Variants in IFNGR1 observed in about 807,000 individuals in gnomAD.
IFNGR1 encodes interferon gamma receptor 1.
IFNGR1 carries 23 observed loss-of-function variants against 35.4 expected under a neutral mutation model. That is an observed-to-expected ratio of 0.65 (90% CI 0.47 to 0.92). The LOEUF is 0.92. Among genes scored for constraint, IFNGR1 ranks in the 40% least tolerant of loss-of-function variants. IFNGR1 has a pLI of 0.00. For synonymous variants in IFNGR1, 199 were observed against 209.5 expected, an observed-to-expected ratio of 0.95 and a Z score of 0.43; for missense variants, 533 against 583.4, an observed-to-expected ratio of 0.91 and a Z score of 0.89.
intron 5 of IFNGR1, 44 bp from the exon 6 acceptor site, chr6:137,201,052 C>G: frequency 4.4e-6 from 7 of 1,591,202 alleles, no homozygotes; most frequent in South Asian, 1.1e-5. Context: ...AGATGGAATA[C>G]TGCTATTATC....
Position 137,207,079 on chromosome 6 carries a change from T to G in IFNGR1, c.86-2A>C, listed in dbSNP as rs1191883227. 1.2e-6 allele frequency: 2 copies of G among 1,613,628 alleles called. No individual in the cohort carries two copies. Among genetic ancestry groups the G allele is most frequent in the Non-Finnish European group, 1.7e-6 (2 of 1,179,804 alleles). The stretch of plus-strand genomic sequence containing the variant: ...TTGTAACATTAGTTGGTGTAGGCAC[T>G]GTAAGAAAATAAAAAAGTAAAAGGG... On this transcript the variant is annotated splice_acceptor_variant, in intron 1 of 6. Transcript: ENST00000367739. LOFTEE classifies it high-confidence loss of function.
At position 137,203,482 on chromosome 6, in the gene IFNGR1, A is replaced by C. The variant is rs1456688875; in HGVS notation, c.733+17T>G. The C allele has an allele frequency of 7.1e-7, 1 of 1,400,316 alleles. No individual in the cohort carries two copies. Among genetic ancestry groups the C allele is most frequent in the Admixed American group, 1.7e-5 (1 of 59,726 alleles). 86.7% of individuals were successfully genotyped at this position (1,400,316 alleles called of 1,614,324 possible). On this transcript the variant is annotated intron_variant, in intron 5 of 6. Transcript: ENST00000367739. ...ACTGCTCCCTCTATATTTAGAAAAA[A>C]AATGGCAAGAACTTACCTTTTATAC...
intron 6 of IFNGR1, among the ~76,000 whole-genome samples, chr6:137,199,656 G>C (rs973340940): frequency 4.3e-5 from 6 of 138,476 alleles, no homozygotes; most frequent in Admixed American, 8.2e-5. Flanking sequence ...CATTAGTTCT[G>C]TCCCTCTAGA....
At chr6:137,209,385 T>C (rs773971438) in intron 1 of IFNGR1, among the ~76,000 whole-genome samples, 2 of 151,982 alleles carry the variant, frequency 1.3e-5, no homozygotes, top group Non-Finnish European at 2.9e-5. Context: ...TTTGGTTGTG[T>C]GTCCCCACCG....
chr6:137,198,147 G>C lies in IFNGR1; in HGVS notation c.1354C>G (p.Pro452Ala). ...GGTTTATCATAACCAAAGGAGGTGG[G>C]GGCTTTTATTACGGTTATGAGCTCT... ...GQELITVIKAPTSFGYDKPHV... is the reference protein window; with the variant it reads ...GQELITVIKAATSFGYDKPHV... Residue 452 changes from proline (P) to alanine (A), a missense_variant, in exon 7 of 7, where the codon CCC becomes GCC. Coordinates refer to ENST00000367739, the MANE Select transcript of IFNGR1 (RefSeq NM_000416.3). The C allele has an allele frequency of 1.2e-6, 2 of 1,614,064 alleles. No homozygotes were observed. The highest frequency in any genetic ancestry group is 1.3e-5 in the African/African-American group (1 of 75,000).
Position 137,219,306 on chromosome 6 carries a change from G to A in IFNGR1, c.22C>T (p.Pro8Ser), listed in dbSNP as rs1466445736. MALLFLL[P>S]LVMQGVSRAE... ...CTGCTCACACCCTGCATGACAAGGGGTAGGAGAAAGAGGAGAGCCATGCTG... is the reference window on the plus strand; with the variant it reads ...CTGCTCACACCCTGCATGACAAGGGATAGGAGAAAGAGGAGAGCCATGCTG... Residue 8 changes from proline (P) to serine (S), a missense_variant, in exon 1 of 7, where the codon CCC becomes TCC. By Grantham distance (74) the Pro-to-Ser change is moderately conservative. Transcript: ENST00000367739. 1.9e-6 allele frequency: 3 copies of A among 1,610,378 alleles called. No homozygotes were observed. In the South Asian group the frequency reaches 3.3e-5, roughly 18 times the overall value.
chr6:137,200,821 A>G, intron 6 of IFNGR1, 60 bp downstream of exon 6: 2 of 1,318,172 alleles, frequency 1.5e-6, no homozygotes, highest in Non-Finnish European at 2.1e-6. Flanking sequence ...TAATTTAAGA[A>G]ACTATCAAAA....
chr6:137,210,013 G>A, intron 1 of IFNGR1: 1 of 396,752 alleles, frequency 2.5e-6, no homozygotes. Flanking sequence ...ACAGACAGAA[G>A]TCATTTTAAC....
In IFNGR1 at chr6:137,204,365, C is replaced by A. The variant is rs1779375537; in HGVS notation, c.513G>T (p.Val171=). ...CGTTCATTCTCACATACACATTGTA[C>A]ACCCTAATGTAACAGGTAGTTTCGG... The part of the protein sequence containing the change: ...YDPETTCYIR[V]YNVYVRMNGS... Residue 171 remains valine, a synonymous_variant, in exon 4 of 7, where the codon GTG becomes GTT. Coordinates refer to ENST00000367739, the MANE Select transcript of IFNGR1 (RefSeq NM_000416.3). The A allele has an allele frequency of 6.2e-7, 1 of 1,613,784 alleles. No individual in the cohort carries two copies. The highest frequency in any genetic ancestry group is 8.5e-7 in the Non-Finnish European group (1 of 1,179,828).
chr6:137,210,435 A>C (rs1188441701), intron 1 of IFNGR1, among the ~76,000 whole-genome samples: 1 of 152,158 alleles, frequency 6.6e-6, no homozygotes, highest in East Asian at 1.9e-4. Flanking sequence ...ATGAATGTAC[A>C]CAGTTAGCGA....
rs781016678 is a variant in IFNGR1 at position 137,198,313 on chromosome 6, C to A, written c.1188G>T (p.Ser396=). ...QSEPGSIALN[S]YHSRNCSESD... ...TCTCAGAACAATTTCTGGAGTGATA[C>A]GAGTTTAAAGCGATGCTGCCAGGTT... The change falls in exon 7 of 7, where the codon TCG becomes TCT. Residue 396 remains serine (S), a synonymous_variant. Transcript: ENST00000367739. 6 of 1,613,118 alleles carry A rather than the reference C, an allele frequency of 3.7e-6. No individual in the cohort carries two copies. The highest frequency in any genetic ancestry group is 4.2e-6 in the Non-Finnish European group (5 of 1,179,908).
rs869132002 is a variant in IFNGR1 at position 137,197,829 on chromosome 6, T to TAA, written c.*200_*201dup. On this transcript the variant is annotated 3_prime_UTR_variant, in exon 7 of 7. Coordinates refer to ENST00000367739, the MANE Select transcript of IFNGR1 (RefSeq NM_000416.3). ...CATAAGTTACAATGCTTTTTTTGTT[T>TAA]AAAAAAAAAAAAAAGTCTGTACTTT... 2.5e-4 allele frequency: 121 copies of TAA among 491,254 alleles called. No individual in the cohort carries two copies. The highest frequency in any genetic ancestry group is 4.4e-4 in the East Asian group (11 of 25,030). 30.4% of individuals were successfully genotyped at this position (491,254 alleles called of 1,614,324 possible). A position where few individuals can be genotyped will look rare whatever the true frequency, so the allele number is the denominator to read the frequency against.
At chr6:137,210,580 A>G (rs1254202610) in intron 1 of IFNGR1, among the ~76,000 whole-genome samples, 4 of 152,194 alleles carry the variant, frequency 2.6e-5, no homozygotes, top group Non-Finnish European at 4.4e-5. Context: ...ATAACTTATA[A>G]TCATCCTCAA....
At chr6:137,198,993 G>A (rs943385207) in intron 6 of IFNGR1, among the ~76,000 whole-genome samples, 1 of 152,114 alleles carries the variant, frequency 6.6e-6, no homozygotes, top group Non-Finnish European at 1.5e-5. Flanking sequence ...AGTGGGCTGG[G>A]AAAGGAAGAC....
At chr6:137,203,476 G>C (rs1779338536) in intron 5 of IFNGR1, 23 bp downstream of exon 5, 1 of 1,310,720 alleles carries the variant, frequency 7.6e-7, no homozygotes, top group Non-Finnish European at 1.1e-6. Context: ...TCTATATTTA[G>C]AAAAAAAATG....
At chr6:137,208,121 G>A (rs1177606692) in intron 1 of IFNGR1, among the ~76,000 whole-genome samples, 2 of 152,194 alleles carry the variant, frequency 1.3e-5, no homozygotes, top group Admixed American at 6.5e-5. Context: ...CCAGAGATTT[G>A]TGGAACTCTG....
At position 137,198,503 on chromosome 6, in the gene IFNGR1, C is replaced by G; in HGVS notation, c.998G>C (p.Gly333Ala). 6.2e-7 allele frequency: 1 copy of G among 1,614,046 alleles called. No individual in the cohort carries two copies. Among genetic ancestry groups the G allele is most frequent in the Non-Finnish European group, 8.5e-7 (1 of 1,180,000 alleles). ...TCCTGGATTGTCTTCGGTATGCATG[C>G]CTGGAACTGTTGCTGGAGACAACGG... ...EEPLSPATVP[G>A]MHTEDNPGKV... Residue 333 changes from glycine to alanine, a missense_variant, in exon 7 of 7, where the codon GGC (glycine) becomes GCC (alanine). Transcript: ENST00000367739.
chr6:137,207,129 T>C lies in IFNGR1; in HGVS notation c.86-52A>G, dbSNP rs139375382. 730 of 1,604,478 alleles carry C rather than the reference T, an allele frequency of 4.5e-4. 4 individuals are homozygous for C. In the African/African-American group the frequency reaches 6.7e-3, roughly 15 times the overall value. On this transcript the variant is annotated intron_variant, in intron 1 of 6. Transcript: ENST00000367739. ...GACAATTGTAAGAAACTAACATTAA[T>C]ATTGGAAAGCCTTATTGTAAGATGC...
intron 1 of IFNGR1, among the ~76,000 whole-genome samples, chr6:137,217,386 T>C (rs1317164851): frequency 1.3e-5 from 2 of 152,214 alleles, no homozygotes; most frequent in Non-Finnish European, 2.9e-5. Context: ...TTTTGTTGGC[T>C]CAACACCTGT....
Sources: gnomAD v4.1 joint callset for allele counts (sites outside exome capture counted in the v4.1 genomes callset) on GRCh38, gnomAD v4.1.1 for gene constraint, MANE v1.5 for transcripts, NCBI Gene and HGNC (gene_info 2026-07-23, HGNC 2026-07-21) for gene names.